The following ABCB11 variants were observed in gnomAD, a reference collection of about 807,000 sequenced individuals.
ABCB11 encodes bile salt export pump.
Under a neutral mutation model 148.0 loss-of-function variants are expected in ABCB11, and 95 were observed. The observed-to-expected ratio is 0.64, with a 90% CI of 0.54 to 0.76. The LOEUF is 0.76. Among genes scored for constraint, ABCB11 ranks in the 30% least tolerant of loss-of-function variants. ABCB11 has a pLI of 0.00. For synonymous variants in ABCB11, 591 were observed against 555.4 expected (o/e 1.06, Z -0.90); for missense variants, 1,523 against 1,617.8 (o/e 0.94, Z 1.01).
chr2:168,994,528 G>C (rs368872034), intron 7 of ABCB11, among the ~76,000 whole-genome samples: 1 of 151,942 alleles, frequency 6.6e-6, no homozygotes, highest in East Asian at 1.9e-4. Context: ...TACCCCAATG[G>C]GTAATAATGA....
chr2:168,970,493 A>G, intron 14 of ABCB11: 1 of 777,862 alleles, frequency 1.3e-6, no homozygotes, highest in South Asian at 1.7e-5. Context: ...TTTCAACCAA[A>G]ATAAAAATTG....
intron 10 of ABCB11, among the ~76,000 whole-genome samples, chr2:168,981,452 T>A (rs1694135409): frequency 6.6e-6 from 1 of 152,142 alleles, no homozygotes; most frequent in South Asian, 2.1e-4. Flanking sequence ...ACAGGGATAA[T>A]GATAGCATAT....
rs1692230620 is a variant in ABCB11, at chr2:168,944,880, A to G, written c.2425T>C (p.Ser809Pro). 2 of 1,584,992 alleles carry G rather than the reference A, an allele frequency of 1.3e-6. No homozygotes were observed. The highest frequency in any genetic ancestry group is 2.7e-5 in the African/African-American group (2 of 74,110). ...ACCTGTAGAAATTGGGTGAAAAGAG[A>G]TACACAGCCCATTGCTACAAAAAGT... ...CLLFVAMGCV[S>P]LFTQFLQGYA... The change falls in exon 20 of 28, where the codon TCT (serine) becomes CCT (proline). Residue 809 changes from serine (S) to proline (P), a missense_variant. Ser to Pro is a moderately conservative substitution (Grantham distance 74, BLOSUM62 -1). Transcript: ENST00000650372.
intron 5 of ABCB11, among the ~76,000 whole-genome samples, chr2:168,998,129 T>A (rs901578550): frequency 2.0e-5 from 3 of 152,036 alleles, no homozygotes; most frequent in African/African-American, 7.2e-5. Context: ...AAGCTAAATA[T>A]CTCTGAACAG....
intron 11 of ABCB11, among the ~76,000 whole-genome samples, chr2:168,978,956 G>C (rs138662122): frequency 9.9e-5 from 15 of 152,214 alleles, no homozygotes; most frequent in African/African-American, 3.1e-4. Flanking sequence ...CTGGGCTCAG[G>C]TGACGCGCCC....
Position 168,964,292 on chromosome 2 carries a change from G to A in ABCB11, c.2092C>T (p.Arg698Cys), listed in dbSNP as rs539087982. The A allele has an allele frequency of 8.1e-5, 127 of 1,565,226 alleles. No individual in the cohort carries two copies. The highest frequency in any genetic ancestry group is 6.7e-4 in the Middle Eastern group (4 of 5,976). ...QDSLRASIRQ[R>C]SKSQLSYLVH... ...AGGTAAGAAAGCTGAGACTTGGAGC[G>A]TTGCCGGATGGAAGCCCTGTAAATA... Residue 698 changes from arginine to cysteine, a missense_variant, in exon 18 of 28, where the codon CGC becomes TGC. Transcript: ENST00000650372.
At chr2:168,982,635 G>A (rs1694169774) in intron 10 of ABCB11, among the ~76,000 whole-genome samples, 1 of 152,090 alleles carries the variant, frequency 6.6e-6, no homozygotes. Context: ...CATGCAGCCA[G>A]TAACGATTTT....
chr2:169,018,149 G>C lies in ABCB11; in HGVS notation c.-24C>G. On this transcript the variant is annotated 5_prime_UTR_variant, in exon 2 of 28. Transcript: ENST00000650372. Reference sequence around the variant, plus strand: ...ATGGTAATTGCAACCCACAGCCAACGACCCTATAAAATAAAATAAAAGAAT... The same window carrying C: ...ATGGTAATTGCAACCCACAGCCAACCACCCTATAAAATAAAATAAAAGAAT... 6.2e-7 allele frequency: 1 copy of C among 1,610,048 alleles called. No individual in the cohort carries two copies. Among genetic ancestry groups the C allele is most frequent in the Non-Finnish European group, 8.5e-7 (1 of 1,176,990 alleles).
chr2:169,021,585 A>C (rs879546550), intron 1 of ABCB11, among the ~76,000 whole-genome samples: 7 of 152,108 alleles, frequency 4.6e-5, no homozygotes, highest in Non-Finnish European at 1.0e-4. Flanking sequence ...AAATTAGAAA[A>C]CATAAAAGCT....
chr2:168,963,280 G>T (rs942334348), intron 18 of ABCB11, among the ~76,000 whole-genome samples: 13 of 151,712 alleles, frequency 8.6e-5, no homozygotes, highest in African/African-American at 2.9e-4. Context: ...AAGGCACTGG[G>T]TTAGGTAACC....
chr2:168,957,361 G>T (rs548626117), intron 19 of ABCB11, among the ~76,000 whole-genome samples: 27 of 151,760 alleles, frequency 1.8e-4, no homozygotes, highest in African/African-American at 6.3e-4. Flanking sequence ...GATATTGCCT[G>T]ATACATGTTC....
rs1441008026 is a variant in ABCB11 at position 168,961,866 on chromosome 2, AAG to A, written c.2178+2338_2178+2339del. 3.3e-5 allele frequency among the ~76,000 whole-genome samples: 5 copies of A among 151,836 alleles called. No individual in the cohort carries two copies. The East Asian group carries it at 9.8e-4, about 30-fold the overall frequency. The stretch of plus-strand genomic sequence containing the variant: ...TGTGTGAATCGACCTTTAGCACCGT[AAG>A]AGAGTATTTCCCAATCTACAGAAAG... On this transcript the variant is annotated intron_variant, in intron 18 of 27. Transcript: ENST00000650372.
At chr2:168,950,170 A>C (rs1040304011) in intron 19 of ABCB11, among the ~76,000 whole-genome samples, 2 of 142,648 alleles carry the variant, frequency 1.4e-5, no homozygotes, top group Non-Finnish European at 3.1e-5. Flanking sequence ...CACACACACA[A>C]AATAGGATAT....
intron 18 of ABCB11, among the ~76,000 whole-genome samples, chr2:168,962,330 A>G (rs1356596873): frequency 6.6e-6 from 1 of 151,718 alleles, no homozygotes; most frequent in African/African-American, 2.4e-5. Context: ...AATGCTGACT[A>G]GTAGAACATA....
chr2:169,010,765 A>G (rs1380252725), intron 5 of ABCB11, among the ~76,000 whole-genome samples: 2 of 152,156 alleles, frequency 1.3e-5, no homozygotes, highest in African/African-American at 2.4e-5. Flanking sequence ...GTTATTCAGA[A>G]TAGAACAAAT....
intron 10 of ABCB11, among the ~76,000 whole-genome samples, chr2:168,985,032 T>A (rs1694265876): frequency 6.6e-6 from 1 of 152,040 alleles, no homozygotes; most frequent in Admixed American, 6.6e-5. Flanking sequence ...AATCTACACA[T>A]CTGACAAAGG....
intron 8 of ABCB11, 101 bp downstream of exon 8, chr2:168,993,610 G>A (rs943637370): frequency 5.7e-6 from 6 of 1,054,936 alleles, no homozygotes; most frequent in Non-Finnish European, 8.2e-6. Context: ...TGATAATTAT[G>A]TTGCTAACTG....
intron 5 of ABCB11, among the ~76,000 whole-genome samples, chr2:169,001,568 G>T (rs1318992559): frequency 1.3e-5 from 2 of 152,038 alleles, no homozygotes; most frequent in Non-Finnish European, 2.9e-5. Context: ...CACAAGAGGG[G>T]CTTATTACCA....
At chr2:169,025,019 A>T (rs949437793) in intron 1 of ABCB11, among the ~76,000 whole-genome samples, 9 of 151,628 alleles carry the variant, frequency 5.9e-5, no homozygotes, top group African/African-American at 2.2e-4. Flanking sequence ...TTTTAACCAA[A>T]TTTTTTTTTC....
Sources: gnomAD v4.1 joint callset for allele counts (sites outside exome capture counted in the v4.1 genomes callset) on GRCh38, gnomAD v4.1.1 for gene constraint, MANE v1.5 for transcripts, NCBI Gene and HGNC (gene_info 2026-07-23, HGNC 2026-07-21) for gene names.